The following VGLL4 variants were observed in gnomAD, a reference collection of about 807,000 sequenced individuals.
The protein encoded by VGLL4 is transcription cofactor vestigial-like protein 4.
A neutral mutation model predicts 21.0 loss-of-function variants in VGLL4; 7 were observed. That is an observed-to-expected ratio of 0.33 (90% CI 0.19 to 0.63). The LOEUF is 0.63. Ranked by LOEUF, VGLL4 falls within the 20% of genes least tolerant of loss-of-function variation. VGLL4 has a pLI of 0.78. For missense variants in VGLL4, 394 were observed against 425.7 expected, an observed-to-expected ratio of 0.93 and a Z score of 0.66; for synonymous variants, 222 against 173.2, an observed-to-expected ratio of 1.28 and a Z score of -2.21.
chr3:11,564,410 C>CG, intron 3 of VGLL4, among the ~76,000 whole-genome samples: 1 of 151,748 alleles, frequency 6.6e-6, no homozygotes, highest in East Asian at 1.9e-4. Context: ...GTAGGACCCC[C>CG]CCACCCGAGG....
At position 11,558,453 on chromosome 3, in the gene VGLL4, T is replaced by G. The variant is rs2072635255; in HGVS notation, c.*103A>C. ...TTTTGCAAATAAACCATCCCTTCCC[T>G]TCCCCCCACCCCACCCCCATGATTT... is the stretch of plus-strand genomic sequence containing the variant. On this transcript the variant is annotated 3_prime_UTR_variant, in exon 5 of 5. Transcript: ENST00000430365. 6,801 of 982,420 alleles carry G rather than the reference T, an allele frequency of 6.9e-3. 2 individuals are homozygous for G. The highest frequency in any genetic ancestry group is 8.4e-3 in the Non-Finnish European group (5,862 of 700,262). 60.9% of individuals were successfully genotyped at this position (982,420 alleles called of 1,614,324 possible).
intron 1 of VGLL4, among the ~76,000 whole-genome samples, chr3:11,617,370 C>CTTCA (rs372345689): frequency 6.3e-4 from 96 of 152,230 alleles, no homozygotes; most frequent in African/African-American, 2.2e-3. Context: ...CACAGGTGAA[C>CTTCA]GGCTGAGACC....
chr3:11,628,586 C>A (rs1199147321), intron 1 of VGLL4, among the ~76,000 whole-genome samples: 1 of 151,410 alleles, frequency 6.6e-6, no homozygotes, highest in African/African-American at 2.4e-5. Context: ...TTTGGGAGGC[C>A]AAGGCGGGCG....
intron 1 of VGLL4, among the ~76,000 whole-genome samples, chr3:11,641,955 G>A (rs2125330543): frequency 6.6e-6 from 1 of 151,828 alleles, no homozygotes; most frequent in East Asian, 1.9e-4. Flanking sequence ...ATTACTTGTT[G>A]GCAAAGACAA....
At chr3:11,650,104 T>G (rs182581771) in intron 2 of VGLL4, among the ~76,000 whole-genome samples, 1 of 152,042 alleles carries the variant, frequency 6.6e-6, no homozygotes, top group African/African-American at 2.4e-5. Context: ...CTTTTTTTTT[T>G]AATCATTTTT....
At chr3:11,559,505 C>G in intron 3 of VGLL4, 50 bp from the exon 4 acceptor site, 2 of 1,498,628 alleles carry the variant, frequency 1.3e-6, no homozygotes, top group Non-Finnish European at 1.8e-6. Context: ...CAGTACCGGG[C>G]ACCACCCCTG....
At chr3:11,683,092 T>C (rs1256325903) in intron 2 of VGLL4, among the ~76,000 whole-genome samples, 1 of 152,100 alleles carries the variant, frequency 6.6e-6, no homozygotes, top group Non-Finnish European at 1.5e-5. Context: ...CCGAGCGTGG[T>C]GGTGGGCACC....
At chr3:11,581,591 G>C (rs763370012) in intron 2 of VGLL4, among the ~76,000 whole-genome samples, 15 of 152,146 alleles carry the variant, frequency 9.9e-5, no homozygotes, top group Non-Finnish European at 2.1e-4. Flanking sequence ...GTTACTGAGA[G>C]ATGAAACAAA....
At chr3:11,681,136 C>T (rs1026827406) in intron 2 of VGLL4, among the ~76,000 whole-genome samples, 3 of 152,166 alleles carry the variant, frequency 2.0e-5, no homozygotes, top group Non-Finnish European at 2.9e-5. Flanking sequence ...CTCGCTCTGC[C>T]GCCCAGGCTG....
intron 4 of VGLL4, 44 bp downstream of exon 4, chr3:11,559,288 C>T: frequency 6.7e-7 from 1 of 1,486,782 alleles, no homozygotes; most frequent in Non-Finnish European, 9.0e-7. Flanking sequence ...GGCTCTGCTG[C>T]CACTAGCACA....
chr3:11,652,469 G>C (rs1289666448), intron 2 of VGLL4, among the ~76,000 whole-genome samples: 1 of 152,108 alleles, frequency 6.6e-6, no homozygotes, highest in African/African-American at 2.4e-5. Flanking sequence ...GCCCAGGCTG[G>C]AGTGCAGTGG....
intron 2 of VGLL4, among the ~76,000 whole-genome samples, chr3:11,677,640 AG>A (rs2076310813): frequency 6.6e-6 from 1 of 152,216 alleles, no homozygotes; most frequent in East Asian, 1.9e-4. Flanking sequence ...CAAGTAACCA[AG>A]TTTTAAAATT....
upstream of VGLL4, among the ~76,000 whole-genome samples, chr3:11,646,115 GAA>G (rs1476629520): frequency 6.6e-6 from 1 of 152,162 alleles, no homozygotes; most frequent in African/African-American, 2.4e-5. Flanking sequence ...TCATTTATAA[GAA>G]TATTTATTGA....
Position 11,653,972 on chromosome 3 carries a change from C to T in VGLL4, c.64+48999G>A, listed in dbSNP as rs963876602. ...CTCTCAACCAAGGAGATTCTGCCCT[C>T]CTCAGGAGACATCTGGCAATGTCTG... On this transcript the variant is annotated intron_variant, in intron 2 of 5. Coordinates refer to the VGLL4 transcript ENST00000273038. This position sits in a 1 kb window ranked among gnomAD's most constrained non-coding sequence, Gnocchi z 4.2. Among the ~76,000 whole-genome samples the T allele has an allele frequency of 6.6e-6, 1 of 152,178 alleles. No individual in the cohort carries two copies. The highest frequency in any genetic ancestry group is 6.5e-5 in the Admixed American group (1 of 15,280).
At chr3:11,687,299 G>C (rs1322288679) in intron 2 of VGLL4, among the ~76,000 whole-genome samples, 1 of 152,060 alleles carries the variant, frequency 6.6e-6, no homozygotes, top group Non-Finnish European at 1.5e-5. Flanking sequence ...ATCTTTGACT[G>C]AATTTTCCTA....
chr3:11,657,079 G>C (rs1308348499), intron 2 of VGLL4, among the ~76,000 whole-genome samples: 1 of 152,156 alleles, frequency 6.6e-6, no homozygotes, highest in Non-Finnish European at 1.5e-5. Context: ...AAGAGCACTG[G>C]ATACAGAGTC....
chr3:11,607,807 T>A (rs1401622195), intron 1 of VGLL4, among the ~76,000 whole-genome samples: 1 of 152,196 alleles, frequency 6.6e-6, no homozygotes, highest in Non-Finnish European at 1.5e-5. Context: ...GTCAGATAAT[T>A]TTTAAAACAT....
chr3:11,665,669 G>A (rs1402285563), intron 2 of VGLL4, among the ~76,000 whole-genome samples: 2 of 152,248 alleles, frequency 1.3e-5, no homozygotes, highest in African/African-American at 2.4e-5. Context: ...CCACGGCCAG[G>A]AGAGGCTGTG....
At chr3:11,566,733 C>T (rs778584740) in intron 2 of VGLL4, among the ~76,000 whole-genome samples, 6 of 152,118 alleles carry the variant, frequency 3.9e-5, no homozygotes, top group East Asian at 1.9e-4. Context: ...AATCCCAAGG[C>T]GCCCCGTGCA....
Sources: gnomAD v4.1 joint callset for allele counts (sites outside exome capture counted in the v4.1 genomes callset) on GRCh38, gnomAD v4.1.1 for gene constraint, Gnocchi (gnomAD v3.1) non-coding constraint, MANE v1.5 for transcripts, NCBI Gene and HGNC (gene_info 2026-07-23, HGNC 2026-07-21) for gene names.